The following HECW1 variants were observed in gnomAD, a reference collection of about 807,000 sequenced individuals.
HECW1 encodes the protein HECT, C2 and WW domain containing E3 ubiquitin protein ligase 1.
HECW1 carries 61 observed loss-of-function variants against 182.3 expected under a neutral mutation model. That is an observed-to-expected ratio of 0.33 (90% CI 0.27 to 0.41). HECW1 has a LOEUF of 0.41. Ranked by LOEUF, HECW1 falls within the 10% of genes least tolerant of loss-of-function variation. The probability of loss-of-function intolerance (pLI) is 1.00; values close to 1 mark genes in which losing one functional copy is unlikely to be tolerated. For missense variants in HECW1, 1,739 were observed against 2,108.9 expected, an observed-to-expected ratio of 0.82 and a Z score of 3.44; for synonymous variants, 859 against 832.6, an observed-to-expected ratio of 1.03 and a Z score of -0.55.
chr7:43,242,237 T>C (rs1798957386), intron 2 of HECW1, among the ~76,000 whole-genome samples: 1 of 152,186 alleles, frequency 6.6e-6, no homozygotes, highest in African/African-American at 2.4e-5. Flanking sequence ...TTATGGAGAC[T>C]GTATTAAGAG....
chr7:43,375,890 C>CA (rs71011911), intron 6 of HECW1, among the ~76,000 whole-genome samples: 62,516 of 102,538 alleles, frequency 0.61, 16,969 homozygotes, highest in Non-Finnish European at 0.63. Context: ...AGACCCTTCT[C>CA]AAAAAAAAAA....
intron 5 of HECW1, among the ~76,000 whole-genome samples, chr7:43,327,792 A>C (rs958327308): frequency 1.3e-5 from 2 of 152,168 alleles, no homozygotes; most frequent in African/African-American, 4.8e-5. Context: ...CTTTGAGGTT[A>C]TCATGCATCA....
chr7:43,173,488 T>C (rs980878332), intron 2 of HECW1, among the ~76,000 whole-genome samples: 5 of 152,186 alleles, frequency 3.3e-5, no homozygotes, highest in Admixed American at 1.3e-4. Context: ...ACTGGTCTCA[T>C]GGAAGACAAT....
At position 43,493,122 on chromosome 7, in the gene HECW1, A is replaced by G. The variant is rs939038109; in HGVS notation, c.3379A>G (p.Asn1127Asp). The G allele has an allele frequency of 6.2e-7, 1 of 1,613,720 alleles. No homozygotes were observed. Among genetic ancestry groups the G allele is most frequent in the Non-Finnish European group, 8.5e-7 (1 of 1,179,894 alleles). ...GATTGTGGCATTTCTTCGCCAGCCAAACATTTTTGAAATGCTGCAAGAGCG... is the reference window on the plus strand; with the variant it reads ...GATTGTGGCATTTCTTCGCCAGCCAGACATTTTTGAAATGCTGCAAGAGCG... ...DKIVAFLRQP[N>D]IFEMLQERQP... Residue 1127 changes from asparagine (N) to aspartate (D), a missense_variant, in exon 19 of 30, where the codon AAC becomes GAC. By Grantham distance (23) the Asn-to-Asp change is conservative. Transcript: ENST00000395891.
At chr7:43,451,645 A>T (rs2077239142) in intron 12 of HECW1, among the ~76,000 whole-genome samples, 1 of 152,226 alleles carries the variant, frequency 6.6e-6, no homozygotes, top group Non-Finnish European at 1.5e-5. Flanking sequence ...TTTGACCTAG[A>T]TAGTCTCTAG....
At chr7:43,290,697 G>C (rs976844191) in intron 3 of HECW1, among the ~76,000 whole-genome samples, 3 of 152,304 alleles carry the variant, frequency 2.0e-5, no homozygotes, top group Middle Eastern at 6.8e-3. Context: ...ACGTCATAAC[G>C]TCCAGAGCCC....
At position 43,507,027 on chromosome 7, in the gene HECW1, A is replaced by G. The variant is rs918353508; in HGVS notation, c.3632-110A>G. On this transcript the variant is annotated intron_variant, in intron 21 of 29. Transcript: ENST00000395891. ...GGAAGTTGCGGTAAGCCGAGAGCAC[A>G]CCACTGCACTCCAGCCTGGGCAACA... is the stretch of plus-strand genomic sequence containing the variant. 9 of 1,324,996 alleles carry G rather than the reference A, an allele frequency of 6.8e-6. No homozygotes were observed. The African/African-American group carries it at 1.3e-4, about 20-fold the overall frequency. The allele number at this position is 1,324,996 out of a possible 1,614,324, so 82.1% of individuals were successfully genotyped here.
chr7:43,475,832 G>A (rs1041309498), intron 16 of HECW1, among the ~76,000 whole-genome samples: 1 of 152,032 alleles, frequency 6.6e-6, no homozygotes, highest in African/African-American at 2.4e-5. Context: ...CAAAGTGCTG[G>A]GATTACAGGT....
chr7:43,311,812 C>T lies in HECW1; in HGVS notation c.77C>T (p.Ser26Phe). The T allele has an allele frequency of 6.2e-7, 1 of 1,614,152 alleles. No homozygotes were observed. Among genetic ancestry groups the T allele is most frequent in the Non-Finnish European group, 8.5e-7 (1 of 1,179,970 alleles). ...FLGLAAMASPSRNSQSRRRCK... is the reference protein window; with the variant it reads ...FLGLAAMASPFRNSQSRRRCK... ...GGCCTGGCCGCCATGGCGTCTCCTT[C>T]TAGAAACTCCCAGAGCCGACGCCGG... Residue 26 changes from serine (S) to phenylalanine (F), a missense_variant, in exon 4 of 30, where the codon TCT becomes TTT. By Grantham distance (155) the Ser-to-Phe change is radical (BLOSUM62 -2). Transcript: ENST00000395891.
intron 3 of HECW1, among the ~76,000 whole-genome samples, chr7:43,294,260 C>G (rs1344901754): frequency 6.6e-6 from 1 of 152,190 alleles, no homozygotes; most frequent in East Asian, 1.9e-4. Context: ...TTTGGCATGT[C>G]CACTAACTGG....
At chr7:43,508,218 A>G in intron 23 of HECW1, 87 bp downstream of exon 23, 1 of 789,804 alleles carries the variant, frequency 1.3e-6, no homozygotes, top group Non-Finnish European at 2.2e-6. Flanking sequence ...AAGAAGGAGC[A>G]CAGTAGCTGT....
intron 2 of HECW1, among the ~76,000 whole-genome samples, chr7:43,127,540 A>AC (rs905356656): frequency 6.6e-6 from 1 of 151,420 alleles, no homozygotes; most frequent in Non-Finnish European, 1.5e-5. Flanking sequence ...AAAAAAAAAA[A>AC]AAAAAAGGAA....
At chr7:43,271,876 A>G (rs1802442615) in intron 3 of HECW1, among the ~76,000 whole-genome samples, 1 of 152,164 alleles carries the variant, frequency 6.6e-6, no homozygotes, top group Non-Finnish European at 1.5e-5. Flanking sequence ...AACCAAAAAG[A>G]GCTTGAATAG....
chr7:43,277,136 G>A (rs555407336), intron 3 of HECW1, among the ~76,000 whole-genome samples: 1 of 152,244 alleles, frequency 6.6e-6, no homozygotes, highest in African/African-American at 2.4e-5. Context: ...AGAGAAATCA[G>A]TTCATTCATT....
intron 8 of HECW1, among the ~76,000 whole-genome samples, chr7:43,436,061 G>T (rs1243423689): frequency 6.6e-6 from 1 of 151,556 alleles, no homozygotes; most frequent in Non-Finnish European, 1.5e-5. Context: ...CTACTCGGGA[G>T]GTTGAGGCAG....
intron 29 of HECW1, among the ~76,000 whole-genome samples, chr7:43,557,998 C>T (rs575394894): frequency 1.4e-4 from 22 of 152,270 alleles, no homozygotes; most frequent in African/African-American, 4.6e-4. Flanking sequence ...AAAGTCATGA[C>T]GTGGAATTGA....
intron 2 of HECW1, among the ~76,000 whole-genome samples, chr7:43,144,072 A>T (rs1583673052): frequency 1.3e-5 from 2 of 152,310 alleles, no homozygotes; most frequent in South Asian, 2.1e-4. Context: ...ACATCGAGTC[A>T]TCATGTCTTC....
At chr7:43,354,288 A>G (rs1814830364) in intron 5 of HECW1, among the ~76,000 whole-genome samples, 2 of 152,058 alleles carry the variant, frequency 1.3e-5, no homozygotes, top group African/African-American at 2.4e-5. Context: ...CAAACAGAAA[A>G]CCATGACCTC....
chr7:43,292,771 G>A (rs1805552475), intron 3 of HECW1, among the ~76,000 whole-genome samples: 1 of 152,168 alleles, frequency 6.6e-6, no homozygotes, highest in Admixed American at 6.5e-5. Context: ...TGAGGGCTTT[G>A]TCTTCAGCTC....
Sources: gnomAD v4.1 joint callset for allele counts (sites outside exome capture counted in the v4.1 genomes callset) on GRCh38, gnomAD v4.1.1 for gene constraint, MANE v1.5 for transcripts, NCBI Gene and HGNC (gene_info 2026-07-23, HGNC 2026-07-21) for gene names.